MDGA2: variants seen among roughly 807,000 people sequenced by gnomAD.
MDGA2 encodes the protein MAM domain containing glycosylphosphatidylinositol anchor 2, also known as MAM domain-containing glycosylphosphatidylinositol anchor protein 2.
Under a neutral mutation model 117.8 loss-of-function variants are expected in MDGA2, and 40 were observed. The ratio of observed to expected loss-of-function variants is 0.34; its 90% CI spans 0.26 to 0.44. MDGA2 has a LOEUF of 0.44. Among genes scored for constraint, MDGA2 ranks in the 20% least tolerant of loss-of-function variants. MDGA2 has a pLI of 1.00. For synonymous variants in MDGA2, 452 were observed against 439.0 expected (o/e 1.03, Z -0.37); for missense variants, 1,123 against 1,250.6 (o/e 0.90, Z 1.54).
intron 7 of MDGA2, among the ~76,000 whole-genome samples, chr14:47,053,042 A>G (rs1443361120): frequency 6.6e-6 from 1 of 151,968 alleles, no homozygotes; most frequent in Non-Finnish European, 1.5e-5. Flanking sequence ...GACAAATACA[A>G]TCATTCACAT....
chr14:47,246,552 A>G lies in MDGA2; in HGVS notation c.421-28357T>C, dbSNP rs938450462. On this transcript the variant is annotated intron_variant, in intron 2 of 16. Transcript: ENST00000399232. ...TGACAGGTATAGGAGGTTGAGCTAG[A>G]TGACTCCTCAGGTTCATCCAGATAA... Among the ~76,000 whole-genome samples, 3 of 151,794 alleles carry G rather than the reference A, an allele frequency of 2.0e-5. No individual in the cohort carries two copies. In the East Asian group the frequency reaches 5.8e-4, roughly 29 times the overall value.
At chr14:47,100,049 G>A (rs376437867) in intron 5 of MDGA2, among the ~76,000 whole-genome samples, 3 of 151,860 alleles carry the variant, frequency 2.0e-5, no homozygotes, top group Admixed American at 1.3e-4. Flanking sequence ...ATTGCATACT[G>A]CAGAAATATC....
At chr14:47,292,705 G>A (rs2139779772) in intron 2 of MDGA2, among the ~76,000 whole-genome samples, 1 of 152,270 alleles carries the variant, frequency 6.6e-6, no homozygotes, top group Admixed American at 6.5e-5. Context: ...CAACCAGTAA[G>A]AGTTGGCTCC....
chr14:47,039,361 C>T (rs1025817179), intron 7 of MDGA2, among the ~76,000 whole-genome samples: 3 of 152,114 alleles, frequency 2.0e-5, no homozygotes, highest in Non-Finnish European at 4.4e-5. Flanking sequence ...TCCTCTTGTC[C>T]ACCACTTCAA....
At chr14:47,349,645 CA>C (rs1197817905) in intron 1 of MDGA2, among the ~76,000 whole-genome samples, 2 of 152,048 alleles carry the variant, frequency 1.3e-5, no homozygotes, top group Non-Finnish European at 2.9e-5. Context: ...TGAAAACATT[CA>C]TTTTTTAAAA....
intron 8 of MDGA2, among the ~76,000 whole-genome samples, chr14:46,971,851 A>G (rs1886278719): frequency 2.0e-5 from 3 of 152,168 alleles, no homozygotes; most frequent in East Asian, 1.9e-4. Flanking sequence ...ACACATCCTC[A>G]CATGTACCTC....
intron 6 of MDGA2, among the ~76,000 whole-genome samples, chr14:47,078,292 C>G (rs1594596460): frequency 2.0e-5 from 3 of 152,166 alleles, no homozygotes; most frequent in South Asian, 2.1e-4. Context: ...ATAGTACATG[C>G]TCTCCTCCAT....
intron 1 of MDGA2, among the ~76,000 whole-genome samples, chr14:47,643,448 C>A (rs568376271): frequency 3.9e-5 from 6 of 151,932 alleles, no homozygotes; most frequent in Non-Finnish European, 8.8e-5. Flanking sequence ...ATGGAAATTA[C>A]CTACATAAAT....
chr14:47,623,818 AAC>A lies in MDGA2; in HGVS notation c.280+50697_280+50698del, dbSNP rs576190782. ...TTACCCCTTTGATGTGTGCCACTTA[AAC>A]AATCTATGCAGAAAAGTCAGAAGCA... On this transcript the variant is annotated intron_variant, in intron 1 of 16. Coordinates refer to ENST00000399232, the MANE Select transcript of MDGA2 (RefSeq NM_001113498.3). Among the ~76,000 whole-genome samples, 392 of 152,340 alleles carry A rather than the reference AAC, an allele frequency of 2.6e-3. 1 individual carries two copies. The highest frequency in any genetic ancestry group is 9.0e-3 in the African/African-American group (373 of 41,578).
At chr14:47,666,558 A>T (rs1307338865) in intron 1 of MDGA2, among the ~76,000 whole-genome samples, 2 of 152,286 alleles carry the variant, frequency 1.3e-5, no homozygotes, top group Non-Finnish European at 2.9e-5. Context: ...TTTTAAACGC[A>T]CCAATCAAGC....
intron 3 of MDGA2, among the ~76,000 whole-genome samples, chr14:47,182,819 C>T (rs117706817): frequency 2.1e-3 from 323 of 152,228 alleles, no homozygotes; most frequent in Non-Finnish European, 3.8e-3. Context: ...AATCTGCTCT[C>T]AAACAAATTA....
intron 3 of MDGA2, 94 bp from the exon 4 acceptor site, chr14:47,144,368 C>T (rs1882849257): frequency 1.2e-6 from 1 of 820,648 alleles, no homozygotes; most frequent in Non-Finnish European, 1.9e-6. Flanking sequence ...ATGCATATTC[C>T]TCATTGATTG....
At chr14:47,335,119 A>G (rs1890401672) in intron 1 of MDGA2, among the ~76,000 whole-genome samples, 1 of 151,812 alleles carries the variant, frequency 6.6e-6, no homozygotes, top group Non-Finnish European at 1.5e-5. Context: ...ACTAAATGCT[A>G]GCCCCTTACT....
At chr14:47,458,775 A>G (rs1392901371) in intron 1 of MDGA2, among the ~76,000 whole-genome samples, 1 of 151,968 alleles carries the variant, frequency 6.6e-6, no homozygotes, top group Non-Finnish European at 1.5e-5. Context: ...CCCTTAATAT[A>G]TACAATAAAC....
intron 3 of MDGA2, among the ~76,000 whole-genome samples, chr14:47,194,637 C>T (rs1885224203): frequency 6.6e-6 from 1 of 151,878 alleles, no homozygotes; most frequent in Non-Finnish European, 1.5e-5. Context: ...AACCAGGAAC[C>T]AATAATAAAA....
chr14:47,157,793 A>C (rs1262615287), intron 3 of MDGA2, among the ~76,000 whole-genome samples: 1 of 151,948 alleles, frequency 6.6e-6, no homozygotes, highest in Non-Finnish European at 1.5e-5. Flanking sequence ...TTCTCACAAG[A>C]TCTTGTGGTT....
Position 47,373,414 on chromosome 14 carries a change from G to GA in MDGA2, c.281-71865dup, listed in dbSNP as rs368033107. On this transcript the variant is annotated intron_variant, in intron 1 of 16. Coordinates refer to ENST00000399232, the MANE Select transcript of MDGA2 (RefSeq NM_001113498.3). Reference sequence around the variant, plus strand: ...TCACTATTTATACCACCTAAAAGGTGAAAAAAAATCTATTAACTTAAAATG... The same window carrying GA: ...TCACTATTTATACCACCTAAAAGGTGAAAAAAAAATCTATTAACTTAAAATG... 3.7e-4 allele frequency among the ~76,000 whole-genome samples: 56 copies of GA among 151,654 alleles called. No individual in the cohort carries two copies. The South Asian group carries it at 6.5e-3, about 17-fold the overall frequency.
At chr14:47,642,808 T>A (rs1321433567) in intron 1 of MDGA2, among the ~76,000 whole-genome samples, 3 of 152,144 alleles carry the variant, frequency 2.0e-5, no homozygotes, top group African/African-American at 7.2e-5. Flanking sequence ...GATTGGTTTA[T>A]TCGCATTTCA....
intron 1 of MDGA2, among the ~76,000 whole-genome samples, chr14:47,314,158 G>T (rs1889729727): frequency 6.6e-6 from 1 of 152,120 alleles, no homozygotes; most frequent in South Asian, 2.1e-4. Context: ...TGACCTTTCT[G>T]TGCCTCTGTT....
Sources: gnomAD v4.1 joint callset for allele counts (sites outside exome capture counted in the v4.1 genomes callset) on GRCh38, gnomAD v4.1.1 for gene constraint, MANE v1.5 for transcripts, NCBI Gene and HGNC (gene_info 2026-07-23, HGNC 2026-07-21) for gene names.